The following MINDY3 variants were observed in gnomAD, a reference collection of about 807,000 sequenced individuals.
The protein encoded by MINDY3 is MINDY lysine 48 deubiquitinase 3.
A neutral mutation model predicts 69.2 loss-of-function variants in MINDY3; 38 were observed. The ratio of observed to expected loss-of-function variants is 0.55; its 90% confidence interval spans 0.42 to 0.72. The LOEUF (loss-of-function observed/expected upper bound fraction) is 0.72. Ranked by LOEUF, MINDY3 falls within the 30% of genes least tolerant of loss-of-function variation. MINDY3 has a pLI of 0.00. For missense variants in MINDY3, 522 were observed against 519.0 expected (o/e 1.01, Z -0.06); for synonymous variants, 192 against 180.1 (o/e 1.07, Z -0.53).
At chr10:15,786,744 C>T in intron 12 of MINDY3, 96 bp from the exon 13 acceptor site, 1 of 729,610 alleles carries the variant, frequency 1.4e-6, no homozygotes, top group Non-Finnish European at 2.4e-6. Flanking sequence ...ACACATTCGG[C>T]TGCCAAAAAC....
At chr10:15,791,470 A>AAAAT (rs1174748013) in intron 11 of MINDY3, among the ~76,000 whole-genome samples, 1 of 151,950 alleles carries the variant, frequency 6.6e-6, no homozygotes, top group Non-Finnish European at 1.5e-5. Context: ...CTAAAAGAAA[A>AAAAT]AAATAGAACT....
intron 8 of MINDY3, among the ~76,000 whole-genome samples, chr10:15,827,150 G>A (rs1383455937): frequency 2.0e-5 from 1 of 50,538 alleles, no homozygotes; most frequent in East Asian, 5.0e-4. Context: ...GGGGGTGGGA[G>A]ACACATAAAA....
At chr10:15,821,460 A>G (rs1839755466) in intron 9 of MINDY3, among the ~76,000 whole-genome samples, 196 bp downstream of exon 9, 1 of 152,212 alleles carries the variant, frequency 6.6e-6, no homozygotes, top group South Asian at 2.1e-4. Flanking sequence ...GACCTAGCAT[A>G]GGAAACTCAG....
intron 10 of MINDY3, among the ~76,000 whole-genome samples, chr10:15,804,411 T>A (rs182539293): frequency 6.6e-6 from 1 of 152,278 alleles, no homozygotes; most frequent in Admixed American, 6.5e-5. Context: ...TACTGAAATA[T>A]AAGGCCTGTG....
chr10:15,832,188 G>A (rs148759623), intron 8 of MINDY3, among the ~76,000 whole-genome samples: 13 of 152,196 alleles, frequency 8.5e-5, no homozygotes, highest in African/African-American at 3.1e-4. Flanking sequence ...AGAGTGATGC[G>A]CTAAAGACAG....
Position 15,815,800 on chromosome 10 carries a change from T to C in MINDY3, c.882+1035A>G, listed in dbSNP as rs201290875. Among the ~76,000 whole-genome samples, 19 of 152,260 alleles carry C rather than the reference T, an allele frequency of 1.2e-4. No homozygotes were observed. The East Asian group carries it at 3.7e-3, about 29-fold the overall frequency. Reference sequence around the variant, plus strand: ...AGCTAGGTACTATTATGAATCCCTATTTTAAAGACACAGGAAAGGGGGCTG... The same window carrying C: ...AGCTAGGTACTATTATGAATCCCTACTTTAAAGACACAGGAAAGGGGGCTG... On this transcript the variant is annotated intron_variant, in intron 10 of 14. Transcript: ENST00000277632.
chr10:15,810,379 C>T (rs1838915024), intron 10 of MINDY3, among the ~76,000 whole-genome samples: 2 of 152,152 alleles, frequency 1.3e-5, no homozygotes, highest in Admixed American at 1.3e-4. Flanking sequence ...GAACATGTTA[C>T]AGCATATAGG....
At chr10:15,795,043 A>AAACAC (rs141243918) in intron 11 of MINDY3, among the ~76,000 whole-genome samples, 2 of 152,164 alleles carry the variant, frequency 1.3e-5, no homozygotes. Flanking sequence ...TAGTAAAACA[A>AAACAC]AACACAACAC....
intron 5 of MINDY3, 65 bp downstream of exon 5, chr10:15,838,163 T>G (rs1408371563): frequency 1.6e-5 from 25 of 1,520,376 alleles, no homozygotes; most frequent in Non-Finnish European, 2.6e-6. Context: ...TTCCACAGTA[T>G]GAACAGACTT....
intron 2 of MINDY3, among the ~76,000 whole-genome samples, chr10:15,843,699 A>G (rs2132098270): frequency 6.6e-6 from 1 of 152,212 alleles, no homozygotes; most frequent in Admixed American, 6.5e-5. Context: ...TCTGTGACAC[A>G]AGATTAACAC....
At chr10:15,820,813 A>G (rs1452981230) in intron 9 of MINDY3, among the ~76,000 whole-genome samples, 1 of 152,216 alleles carries the variant, frequency 6.6e-6, no homozygotes, top group Non-Finnish European at 1.5e-5. Context: ...GTTCTAAAAT[A>G]GAAAAGGAAG....
intron 9 of MINDY3, among the ~76,000 whole-genome samples, chr10:15,819,017 G>C (rs898175306): frequency 3.9e-5 from 6 of 152,168 alleles, no homozygotes; most frequent in African/African-American, 1.4e-4. Context: ...TAAAAAAGTA[G>C]AGTCAAAAGT....
intron 13 of MINDY3, among the ~76,000 whole-genome samples, chr10:15,785,928 T>C (rs1286247249): frequency 6.6e-6 from 1 of 152,214 alleles, no homozygotes; most frequent in African/African-American, 2.4e-5. Context: ...CCATGATATC[T>C]GTTATCTAGT....
intron 14 of MINDY3, among the ~76,000 whole-genome samples, 178 bp downstream of exon 14, chr10:15,781,977 C>T (rs757340553): frequency 1.3e-5 from 2 of 152,112 alleles, no homozygotes; most frequent in Admixed American, 6.5e-5. Context: ...GTTTCCAATG[C>T]AGACTAACAT....
intron 8 of MINDY3, among the ~76,000 whole-genome samples, chr10:15,830,974 G>A (rs975711466): frequency 1.3e-5 from 2 of 152,130 alleles, no homozygotes; most frequent in African/African-American, 2.4e-5. Flanking sequence ...AGCAGAGACC[G>A]TAAATGGAAT....
chr10:15,854,008 G>T (rs1480303159), intron 1 of MINDY3, among the ~76,000 whole-genome samples: 1 of 152,010 alleles, frequency 6.6e-6, no homozygotes, highest in East Asian at 1.9e-4. Context: ...ATGGTATAAT[G>T]ACATACACTA....
At chr10:15,811,488 T>G (rs985027286) in intron 10 of MINDY3, among the ~76,000 whole-genome samples, 4 of 152,174 alleles carry the variant, frequency 2.6e-5, no homozygotes, top group African/African-American at 4.8e-5. Flanking sequence ...TCTGAAAATT[T>G]TGGAAGTGAT....
intron 8 of MINDY3, among the ~76,000 whole-genome samples, chr10:15,830,896 G>A (rs377402783): frequency 1.3e-5 from 2 of 152,304 alleles, no homozygotes; most frequent in African/African-American, 2.4e-5. Context: ...TACACATCAC[G>A]ATTTTTGTTT....
At chr10:15,781,702 G>C (rs189843407) in intron 14 of MINDY3, among the ~76,000 whole-genome samples, 1 of 152,174 alleles carries the variant, frequency 6.6e-6, no homozygotes, top group East Asian at 1.9e-4. Flanking sequence ...TCCTTCATAA[G>C]GTGCTGTGAA....
Sources: gnomAD v4.1 joint callset for allele counts (sites outside exome capture counted in the v4.1 genomes callset) on GRCh38, gnomAD v4.1.1 for gene constraint, MANE v1.5 for transcripts, NCBI Gene and HGNC (gene_info 2026-07-23, HGNC 2026-07-21) for gene names.